Variants in SNX29 observed in about 807,000 individuals in gnomAD.
SNX29 encodes sorting nexin-29.
Under a neutral mutation model 102.1 loss-of-function variants are expected in SNX29, and 78 were observed. The ratio of observed to expected loss-of-function variants is 0.76; its 90% CI spans 0.64 to 0.92. SNX29 has a LOEUF of 0.92. Among genes scored for constraint, SNX29 ranks in the 40% least tolerant of loss-of-function variants. The pLI is 0.00. For missense variants in SNX29, 1,280 were observed against 1,061.7 expected (o/e 1.21, Z -2.86); for synonymous variants, 580 against 414.5 (o/e 1.40, Z -4.85).
chr16:12,051,992 C>T lies in SNX29; in HGVS notation c.894C>T (p.Arg298=), dbSNP rs145959708. The T allele has an allele frequency of 1.1e-4, 184 of 1,613,864 alleles. No homozygotes were observed. Among genetic ancestry groups the T allele is most frequent in the Non-Finnish European group, 1.5e-4 (174 of 1,179,876 alleles). ...AGAGCTCAGAGGACAACTCCGACCGCTCCTCTGTCAATATCATGTCCGCCT... is the reference window on the plus strand; with the variant it reads ...AGAGCTCAGAGGACAACTCCGACCGTTCCTCTGTCAATATCATGTCCGCCT... The part of the protein sequence containing the change: ...AGESSEDNSD[R]SSVNIMSAFE... The change falls in exon 8 of 21, where the codon CGC becomes CGT. Residue 298 remains arginine (R), a synonymous_variant. Coordinates refer to ENST00000566228, the MANE Select transcript of SNX29 (RefSeq NM_032167.5).
chr16:12,528,280 A>C (rs974829024), intron 20 of SNX29, among the ~76,000 whole-genome samples: 3 of 151,916 alleles, frequency 2.0e-5, no homozygotes, highest in Non-Finnish European at 4.4e-5. Context: ...GCTCACTGCA[A>C]CCTCTACCTC....
chr16:12,564,116 T>G (rs1169495004), intron 20 of SNX29, among the ~76,000 whole-genome samples: 1 of 152,174 alleles, frequency 6.6e-6, no homozygotes, highest in Non-Finnish European at 1.5e-5. Flanking sequence ...TGATTGGGTG[T>G]GGTGGATCGT....
chr16:12,561,185 C>G (rs77617338), intron 20 of SNX29: 1 of 230,518 alleles, frequency 4.3e-6, no homozygotes, highest in East Asian at 6.2e-5. Context: ...CTGGCATGCT[C>G]TGATACTGCC....
rs143248126 is a variant in SNX29 at position 12,395,068 on chromosome 16, G to A, written c.1900-3378G>A. Among the ~76,000 whole-genome samples the A allele has an allele frequency of 5.2e-3, 789 of 152,114 alleles. 9 individuals carry two copies. Among genetic ancestry groups the A allele is most frequent in the African/African-American group, 0.018 (762 of 41,488 alleles). On this transcript the variant is annotated intron_variant, in intron 16 of 20. Transcript: ENST00000566228. ...GGAGGAGGTGTAATTTTTCTTCTAC[G>A]GCTTTGGCAAATTGGCTGATTTTCT...
intron 14 of SNX29, among the ~76,000 whole-genome samples, chr16:12,206,958 A>G (rs1231277239): frequency 2.0e-5 from 3 of 151,874 alleles, no homozygotes; most frequent in Non-Finnish European, 4.4e-5. Flanking sequence ...ATGTGCTGAC[A>G]CTCTCTGATT....
chr16:12,196,989 T>C (rs1248721807), intron 13 of SNX29, among the ~76,000 whole-genome samples: 1 of 152,124 alleles, frequency 6.6e-6, no homozygotes. Context: ...GAAAAGCAGG[T>C]ATCTGAAACA....
chr16:12,420,086 C>G (rs2084811224), intron 18 of SNX29, among the ~76,000 whole-genome samples: 1 of 152,164 alleles, frequency 6.6e-6, no homozygotes, highest in South Asian at 2.1e-4. Flanking sequence ...ACAAGGGGTC[C>G]CCTGTGCATT....
chr16:12,466,525 T>C (rs1204943783), intron 18 of SNX29, among the ~76,000 whole-genome samples: 5 of 152,186 alleles, frequency 3.3e-5, no homozygotes, highest in Non-Finnish European at 7.3e-5. Context: ...TGCCGTCAGA[T>C]GTGGCACCCC....
intron 20 of SNX29, among the ~76,000 whole-genome samples, chr16:12,537,087 C>T (rs966294677): frequency 6.6e-6 from 1 of 152,196 alleles, no homozygotes; most frequent in Non-Finnish European, 1.5e-5. Context: ...ATCCATGTAT[C>T]TCCACCCACG....
intron 14 of SNX29, among the ~76,000 whole-genome samples, chr16:12,228,342 C>T (rs765243796): frequency 2.0e-5 from 3 of 152,212 alleles, no homozygotes; most frequent in South Asian, 2.1e-4. Context: ...ACTTCCAGCA[C>T]GTTCTCAGCA....
At chr16:12,335,535 G>T (rs889419106) in intron 15 of SNX29, among the ~76,000 whole-genome samples, 2 of 152,082 alleles carry the variant, frequency 1.3e-5, no homozygotes, top group Non-Finnish European at 2.9e-5. Context: ...AATTAGCTGG[G>T]CATGGTTGCA....
In SNX29 at chr16:12,113,945, C is replaced by T. The variant is rs116532282; in HGVS notation, c.1403-12688C>T. Among the ~76,000 whole-genome samples, 506 of 152,302 alleles carry T rather than the reference C, an allele frequency of 3.3e-3. 2 individuals are homozygous for T. Among genetic ancestry groups the T allele is most frequent in the African/African-American group, 0.01 (435 of 41,548 alleles). On this transcript the variant is annotated intron_variant, in intron 11 of 20. Transcript: ENST00000566228. ...CTAGAAGATGAGCTTGTGTAACCTC[C>T]GCATTTTGTAGATGTAACATCTGAG...
At chr16:12,231,947 T>A (rs537672347) in intron 14 of SNX29, among the ~76,000 whole-genome samples, 34 of 152,344 alleles carry the variant, frequency 2.2e-4, no homozygotes, top group African/African-American at 7.5e-4. Context: ...GCCTATGTGT[T>A]TCAGGGGTTT....
At chr16:12,219,025 T>C (rs1052924055) in intron 14 of SNX29, among the ~76,000 whole-genome samples, 16 of 152,088 alleles carry the variant, frequency 1.1e-4, no homozygotes, top group Non-Finnish European at 1.3e-4. Context: ...CTGCCCGCCT[T>C]GGCCTCCCAA....
intron 14 of SNX29, among the ~76,000 whole-genome samples, chr16:12,226,205 T>C (rs1255425712): frequency 6.6e-6 from 1 of 152,174 alleles, no homozygotes; most frequent in East Asian, 1.9e-4. Flanking sequence ...ACTAGAAAGG[T>C]GCAGAATAAA....
chr16:12,392,540 C>T (rs953896303), intron 16 of SNX29, among the ~76,000 whole-genome samples: 2 of 152,056 alleles, frequency 1.3e-5, no homozygotes, highest in Admixed American at 1.3e-4. Context: ...CTGCCTACCA[C>T]GTTGGACTCT....
At chr16:12,551,412 C>T (rs560014621) in intron 20 of SNX29, among the ~76,000 whole-genome samples, 4 of 152,318 alleles carry the variant, frequency 2.6e-5, no homozygotes, top group African/African-American at 9.6e-5. Flanking sequence ...GTTGGGGTCT[C>T]AGCCACAGCT....
At position 12,097,407 on chromosome 16, in the gene SNX29, A is replaced by G. The variant is rs182852899; in HGVS notation, c.1402+18492A>G. 4.5e-4 allele frequency among the ~76,000 whole-genome samples: 69 copies of G among 152,288 alleles called. 1 individual carries two copies. Among genetic ancestry groups the G allele is most frequent in the East Asian group, 4.4e-3 (23 of 5,174 alleles). On this transcript the variant is annotated intron_variant, in intron 11 of 20. Coordinates refer to ENST00000566228, the MANE Select transcript of SNX29 (RefSeq NM_032167.5). ...GGGCATTTTGAAGGGGCTGTATTTC[A>G]GGCCGACTTCCCGCATCTGGCTGGT...
chr16:12,552,289 C>G (rs961020324), intron 20 of SNX29, among the ~76,000 whole-genome samples: 1 of 152,194 alleles, frequency 6.6e-6, no homozygotes, highest in African/African-American at 2.4e-5. Flanking sequence ...ACTTCTGTGC[C>G]TCAGTTTCCT....
Sources: allele counts gnomAD v4.1 joint callset (sites outside exome capture counted in the v4.1 genomes callset), GRCh38; gene constraint gnomAD v4.1.1; transcripts MANE v1.5; gene names NCBI Gene and HGNC (gene_info 2026-07-23, HGNC 2026-07-21).